SYN3: variants seen among roughly 807,000 people sequenced by gnomAD.
SYN3 encodes synapsin-3.
In SYN3, 35 loss-of-function variants were observed where a neutral mutation model predicts 65.8. That is an observed-to-expected ratio of 0.53 (90% confidence interval 0.41 to 0.70). SYN3 has a LOEUF of 0.70. SYN3 is among the 30% of genes least tolerant of loss of function. The pLI is 0.00. For missense variants in SYN3, 680 were observed against 749.0 expected (o/e 0.91, Z 1.08); for synonymous variants, 270 against 292.9 (o/e 0.92, Z 0.80).
At chr22:32,604,602 CTGT>C (rs2059340093) in intron 6 of SYN3, among the ~76,000 whole-genome samples, 1 of 151,752 alleles carries the variant, frequency 6.6e-6, no homozygotes, top group Non-Finnish European at 1.5e-5. Context: ...CGCTGAAATT[CTGT>C]CCCTGAAAAG....
chr22:32,688,118 G>A (rs2060615776), intron 6 of SYN3, among the ~76,000 whole-genome samples: 1 of 152,212 alleles, frequency 6.6e-6, no homozygotes. Flanking sequence ...TACGTTGAAT[G>A]CTGCTGAGTA....
In SYN3 at chr22:32,749,813, T is replaced by C. The variant is rs543392784; in HGVS notation, c.711+115102A>G. ...AATATTCATTTGGTAGAGACTGAAC[T>C]GTGGTTGGAAGGAAGAGTGAGGAGA... On this transcript the variant is annotated intron_variant, in intron 6 of 13. Coordinates refer to ENST00000358763, the MANE Select transcript of SYN3 (RefSeq NM_003490.4). Among the ~76,000 whole-genome samples, 4 of 152,266 alleles carry C rather than the reference T, an allele frequency of 2.6e-5. No homozygotes were observed. In the East Asian group the frequency reaches 7.7e-4, roughly 29 times the overall value.
At chr22:32,863,935 CCCTTCTTATCTCAACCAG>C (rs986025560) in intron 6 of SYN3, among the ~76,000 whole-genome samples, 111 of 152,256 alleles carry the variant, frequency 7.3e-4, no homozygotes, top group African/African-American at 2.6e-3. Flanking sequence ...TTCACATGTG[CCCTTCTTATCTCAACCAG>C]CATGTTCTGG....
intron 6 of SYN3, among the ~76,000 whole-genome samples, chr22:32,731,089 G>A (rs1340488869): frequency 6.6e-6 from 1 of 152,168 alleles, no homozygotes; most frequent in Non-Finnish European, 1.5e-5. Flanking sequence ...CTCCACAACA[G>A]CAGGACATAT....
At chr22:32,782,092 A>G (rs1210305673) in intron 6 of SYN3, among the ~76,000 whole-genome samples, 2 of 151,166 alleles carry the variant, frequency 1.3e-5, no homozygotes. Flanking sequence ...TTTTTTTGAC[A>G]AAGTTTCACC....
intron 6 of SYN3, among the ~76,000 whole-genome samples, chr22:32,741,812 A>G (rs1440015520): frequency 6.6e-6 from 1 of 152,168 alleles, no homozygotes; most frequent in Non-Finnish European, 1.5e-5. Context: ...TTTAACTAGT[A>G]TCTTCCCAAA....
chr22:32,840,877 C>T (rs1024734539), intron 6 of SYN3, among the ~76,000 whole-genome samples: 3 of 152,210 alleles, frequency 2.0e-5, no homozygotes, highest in African/African-American at 4.8e-5. Context: ...TGGTCTCTCT[C>T]ACCTCTGGCC....
At chr22:32,581,408 G>A (rs111424115) in intron 7 of SYN3, among the ~76,000 whole-genome samples, 2 of 152,220 alleles carry the variant, frequency 1.3e-5, no homozygotes, top group Admixed American at 6.5e-5. Context: ...CGTAGCTCCC[G>A]GCCAACTGGG....
chr22:32,548,268 C>T (rs543043193), intron 7 of SYN3, among the ~76,000 whole-genome samples: 29 of 152,310 alleles, frequency 1.9e-4, no homozygotes, highest in South Asian at 4.1e-4. Context: ...TTGGCCAGGA[C>T]GGTCTTGAAC....
intron 4 of SYN3, among the ~76,000 whole-genome samples, chr22:32,902,871 C>A (rs199899354): frequency 0.01 from 1,269 of 126,490 alleles, no homozygotes; most frequent in Non-Finnish European, 0.011. Flanking sequence ...CCCCTGGAGA[C>A]AAAAAAAAAA....
intron 6 of SYN3, among the ~76,000 whole-genome samples, chr22:32,763,538 C>A (rs1217540905): frequency 6.6e-6 from 1 of 152,198 alleles, no homozygotes; most frequent in Non-Finnish European, 1.5e-5. Flanking sequence ...GGCAACCCTA[C>A]ACTGTTTATT....
At chr22:32,721,767 AC>A (rs2061122395) in intron 6 of SYN3, among the ~76,000 whole-genome samples, 1 of 152,230 alleles carries the variant, frequency 6.6e-6, no homozygotes, top group African/African-American at 2.4e-5. Context: ...AATTAAGTAA[AC>A]ATGACAATGT....
intron 1 of SYN3, among the ~76,000 whole-genome samples, chr22:33,012,539 T>C (rs1464117408): frequency 6.6e-6 from 1 of 152,236 alleles, no homozygotes; most frequent in Non-Finnish European, 1.5e-5. Context: ...ATTCCCCAGG[T>C]AGCTGACACT....
At chr22:32,861,790 G>A (rs141846470) in intron 6 of SYN3, 5 of 152,536 alleles carry the variant, frequency 3.3e-5, no homozygotes, top group Non-Finnish European at 5.9e-5. Context: ...TATTTCACCC[G>A]TTCACTTACT....
chr22:32,960,824 G>GA (rs1188125844), intron 3 of SYN3, among the ~76,000 whole-genome samples: 3 of 152,150 alleles, frequency 2.0e-5, no homozygotes, highest in African/African-American at 7.2e-5. Flanking sequence ...CTAGCTCTGG[G>GA]ATCTTGGGGA....
intron 4 of SYN3, among the ~76,000 whole-genome samples, chr22:32,926,290 G>A (rs2050467477): frequency 6.6e-6 from 1 of 152,182 alleles, no homozygotes; most frequent in South Asian, 2.1e-4. Context: ...GCTTTTTATA[G>A]TACTTGTGTG....
At chr22:32,652,444 T>G (rs1421706053) in intron 6 of SYN3, among the ~76,000 whole-genome samples, 1 of 106,224 alleles carries the variant, frequency 9.4e-6, no homozygotes, top group Non-Finnish European at 2.0e-5. Flanking sequence ...CAAAGTTTCT[T>G]TGTTGGAAAT....
intron 6 of SYN3, among the ~76,000 whole-genome samples, chr22:32,639,501 T>A (rs1417867414): frequency 1.3e-5 from 2 of 152,188 alleles, no homozygotes; most frequent in African/African-American, 4.8e-5. Flanking sequence ...TACGGTAGCC[T>A]CTTTTGCTTC....
intron 6 of SYN3, among the ~76,000 whole-genome samples, chr22:32,674,586 A>G (rs1288931633): frequency 1.3e-5 from 2 of 152,238 alleles, no homozygotes; most frequent in East Asian, 3.8e-4. Flanking sequence ...CATTCCAATC[A>G]GTGAAATGGG....
Sources: gnomAD v4.1 joint callset for allele counts (sites outside exome capture counted in the v4.1 genomes callset) on GRCh38, gnomAD v4.1.1 for gene constraint, MANE v1.5 for transcripts, NCBI Gene and HGNC (gene_info 2026-07-23, HGNC 2026-07-21) for gene names.